Variants in NHSL2 observed in about 807,000 individuals in gnomAD.
NHSL2 encodes NHS like 2.
In NHSL2, 27 loss-of-function variants were observed where a neutral mutation model predicts 53.4. The ratio of observed to expected loss-of-function variants is 0.51; its 90% CI spans 0.37 to 0.70. The LOEUF is 0.70. Among genes scored for constraint, NHSL2 ranks in the 30% least tolerant of loss-of-function variants. NHSL2 has a pLI of 0.00. For synonymous variants in NHSL2, 408 were observed against 404.1 expected, an observed-to-expected ratio of 1.01 and a Z score of -0.12; for missense variants, 892 against 980.1, an observed-to-expected ratio of 0.91 and a Z score of 1.20.
At chrX:72,124,148 G>C (rs2042203819) in intron 1 of NHSL2, among the ~76,000 whole-genome samples, 1 of 107,202 alleles carries the variant, frequency 9.3e-6, no homozygotes, top group South Asian at 4.0e-4. Context: ...TCCCATTAAG[G>C]GGGTGGTCTC....
chrX:72,153,098 T>C lies in NHSL2; in HGVS notation c.*9524T>C, dbSNP rs747000158. On this transcript the variant is annotated 3_prime_UTR_variant, in exon 8 of 8. Transcript: ENST00000633930. ...AAAGTAGGAGAGATCACGATCTCAG[T>C]CTTTTTAGGATTCCAACACAAAATG... is the stretch of plus-strand genomic sequence containing the variant. 1.8e-5 allele frequency: 2 copies of C among 111,621 alleles called. No individual in the cohort carries two copies. Among genetic ancestry groups the C allele is most frequent in the Non-Finnish European group, 3.8e-5 (2 of 53,087 alleles). 9.2% of individuals were successfully genotyped at this position (111,621 alleles called of 1,213,427 possible).
intron 1 of NHSL2, among the ~76,000 whole-genome samples, chrX:71,975,005 T>A (rs1475046388): frequency 8.9e-6 from 1 of 112,294 alleles, no homozygotes; most frequent in Non-Finnish European, 1.9e-5. Flanking sequence ...CAGCTGTCAC[T>A]TCTCTTCCCC....
chrX:71,935,573 C>T (rs991816714), intron 1 of NHSL2, among the ~76,000 whole-genome samples: 25 of 112,736 alleles, frequency 2.2e-4, no homozygotes, highest in African/African-American at 7.4e-4. Context: ...TGGTTCCAGG[C>T]GGAGTCGGTT....
intron 1 of NHSL2, among the ~76,000 whole-genome samples, chrX:72,067,259 C>T (rs918694663): frequency 1.8e-5 from 2 of 111,763 alleles, no homozygotes; most frequent in Admixed American, 9.4e-5. Context: ...ATCATTCACT[C>T]ATTCCTCCTC....
chrX:71,945,294 G>A (rs2041787168), intron 1 of NHSL2, among the ~76,000 whole-genome samples: 1 of 112,434 alleles, frequency 8.9e-6, no homozygotes, highest in Admixed American at 9.4e-5. Context: ...TGGAAAGAGA[G>A]ACTTGGCCTC....
At chrX:72,059,339 A>G (rs2042387229) in intron 1 of NHSL2, among the ~76,000 whole-genome samples, 1 of 110,462 alleles carries the variant, frequency 9.1e-6, no homozygotes, top group Non-Finnish European at 1.9e-5. Context: ...CAGCCACCCT[A>G]CTGATCTTCA....
chrX:72,028,256 G>T (rs1196968345), intron 1 of NHSL2, among the ~76,000 whole-genome samples: 1 of 111,880 alleles, frequency 8.9e-6, no homozygotes, highest in African/African-American at 3.3e-5. Flanking sequence ...AGCTTTTAAG[G>T]ACTTCAGTTT....
At chrX:72,039,147 C>CTTTCCTTTCCT (rs1251400322) in intron 1 of NHSL2, among the ~76,000 whole-genome samples, 10 of 69,510 alleles carry the variant, frequency 1.4e-4, no homozygotes, top group South Asian at 6.2e-4. Context: ...CTTTCCTTTC[C>CTTTCCTTTCCT]TTCCTTGTCT....
chrX:71,931,477 G>A (rs1353164284), intron 1 of NHSL2, among the ~76,000 whole-genome samples: 2 of 112,310 alleles, frequency 1.8e-5, no homozygotes, highest in Non-Finnish European at 3.8e-5. Context: ...TTTACTTTTA[G>A]GAGTTTTATA....
At chrX:72,056,669 A>G (rs542368256) in intron 1 of NHSL2, among the ~76,000 whole-genome samples, 3 of 112,220 alleles carry the variant, frequency 2.7e-5, no homozygotes, top group South Asian at 3.7e-4. Flanking sequence ...TATGTAATAG[A>G]TAATAAATAT....
rs774008840 is a variant in NHSL2 at position 72,138,574 on chromosome X, G to A, written c.1026G>A (p.Ser342=). The A allele has an allele frequency of 9.6e-5, 112 of 1,165,606 alleles. 1 individual carries two copies. The highest frequency in any genetic ancestry group is 5.9e-4 in the South Asian group (31 of 52,513). ...ATGCTCGGTTCCCAAGTCTCACCTC[G>A]CCAGTACTGAGAACTCCTTCCAGTG... ...GQDARFPSLT[S]PVLRTPSSEP... Residue 342 remains serine, a synonymous_variant, in exon 6 of 8, where the codon TCG becomes TCA. Transcript: ENST00000633930.
rs1349137017 is a variant in NHSL2 at position 72,152,883 on chromosome X, C to T, written c.*9309C>T. The T allele has an allele frequency of 2.7e-5, 3 of 112,125 alleles. No individual in the cohort carries two copies. The East Asian group carries it at 8.4e-4, about 31-fold the overall frequency. The allele number at this position is 112,125 out of a possible 1,213,427, so 9.2% of individuals were successfully genotyped here. A position where few individuals can be genotyped will look rare whatever the true frequency, so the allele number is the denominator to read the frequency against. On this transcript the variant is annotated 3_prime_UTR_variant, in exon 8 of 8. Transcript: ENST00000633930. ...ACTGAGGAATGAGCATTGGCCAGTC[C>T]TAGTATGCAGTCAAGAGGTGGACTT... is the stretch of plus-strand genomic sequence containing the variant.
At chrX:72,113,855 G>A (rs1308154654) in intron 1 of NHSL2, among the ~76,000 whole-genome samples, 1 of 112,150 alleles carries the variant, frequency 8.9e-6, no homozygotes, top group Non-Finnish European at 1.9e-5. Flanking sequence ...AGGAGCCCCC[G>A]TCTGGCTCAG....
intron 1 of NHSL2, among the ~76,000 whole-genome samples, chrX:71,985,716 T>C (rs1015742342): frequency 8.9e-6 from 1 of 112,770 alleles, no homozygotes; most frequent in Non-Finnish European, 1.9e-5. Context: ...TTCAGTCTTC[T>C]ATTAGGTCAG....
Position 72,146,487 on chromosome X carries a change from AATAATG to A in NHSL2, c.*2919_*2924del, listed in dbSNP as rs1183148011. 8.9e-6 allele frequency: 1 copy of A among 111,984 alleles called. No homozygotes were observed. The highest frequency in any genetic ancestry group is 3.3e-5 in the African/African-American group (1 of 30,738). The allele number at this position is 111,984 out of a possible 1,213,427, so 9.2% of individuals were successfully genotyped here. ...CACTACTACAATTACTAGTATAAAT[AATAATG>A]ATAATAATTTTTGAAGGTGGAATAG... On this transcript the variant is annotated 3_prime_UTR_variant, in exon 8 of 8. Transcript: ENST00000633930.
At chrX:71,940,746 G>A (rs1174148150) in intron 1 of NHSL2, among the ~76,000 whole-genome samples, 1 of 109,899 alleles carries the variant, frequency 9.1e-6, no homozygotes, top group Non-Finnish European at 1.9e-5. Context: ...TGGCAAGGCT[G>A]GGGGTTTGTA....
intron 1 of NHSL2, among the ~76,000 whole-genome samples, chrX:72,009,052 G>A (rs925558421): frequency 1.8e-5 from 2 of 112,278 alleles, no homozygotes; most frequent in Admixed American, 9.4e-5. Context: ...AAATCCCATC[G>A]TCTGCCTCTC....
chrX:71,923,920 G>A (rs560343916), intron 1 of NHSL2, among the ~76,000 whole-genome samples: 1 of 112,121 alleles, frequency 8.9e-6, no homozygotes, highest in Middle Eastern at 4.6e-3. Context: ...GTTTAAATGG[G>A]CTTTGAAATG....
intron 5 of NHSL2, among the ~76,000 whole-genome samples, chrX:72,137,836 T>TATAATA (rs1025433762): frequency 8.9e-6 from 1 of 111,811 alleles, no homozygotes; most frequent in Non-Finnish European, 1.9e-5. Flanking sequence ...CAGTAGTAGT[T>TATAATA]ATAATAATAA....
Sources: gnomAD v4.1 joint callset for allele counts (sites outside exome capture counted in the v4.1 genomes callset) on GRCh38, gnomAD v4.1.1 for gene constraint, MANE v1.5 for transcripts, NCBI Gene and HGNC (gene_info 2026-07-23, HGNC 2026-07-21) for gene names.